Variants in ANKH observed in about 807,000 individuals in gnomAD.
ANKH encodes ANKH inorganic pyrophosphate transport regulator, also known as mineralization regulator ANKH.
Under a neutral mutation model 49.0 loss-of-function variants are expected in ANKH, and 15 were observed. The observed-to-expected ratio is 0.31, with a 90% CI of 0.20 to 0.47. The LOEUF (loss-of-function observed/expected upper bound fraction) is 0.47, where lower values mean the gene tolerates loss of function less well. Among genes scored for constraint, ANKH ranks in the 20% least tolerant of loss-of-function variants. The pLI is 1.00. For missense variants in ANKH, 429 were observed against 652.0 expected (o/e 0.66, Z 3.72); for synonymous variants, 273 against 260.0 (o/e 1.05, Z -0.48).
intron 1 of ANKH, among the ~76,000 whole-genome samples, chr5:14,847,554 C>G (rs1742000802): frequency 6.6e-6 from 1 of 152,198 alleles, no homozygotes; most frequent in Admixed American, 6.5e-5. Flanking sequence ...CTGGTCTGGG[C>G]AGGCCTGGTC....
At chr5:14,800,525 A>T (rs914455175) in intron 1 of ANKH, among the ~76,000 whole-genome samples, 13 of 152,102 alleles carry the variant, frequency 8.5e-5, no homozygotes, top group Admixed American at 7.2e-4. Flanking sequence ...AGGAACCACC[A>T]CCCTGATCAG....
chr5:14,867,711 C>T (rs530861579), intron 1 of ANKH, among the ~76,000 whole-genome samples: 3 of 152,172 alleles, frequency 2.0e-5, no homozygotes, highest in Non-Finnish European at 4.4e-5. Flanking sequence ...AGGCACCCGC[C>T]ACCGCGCCTG....
At chr5:14,791,185 C>T (rs1740153907) in intron 1 of ANKH, among the ~76,000 whole-genome samples, 1 of 152,150 alleles carries the variant, frequency 6.6e-6, no homozygotes, top group South Asian at 2.1e-4. Flanking sequence ...TGAGTTTCCC[C>T]CTACCAGCTG....
At chr5:14,719,790 G>T (rs758129185) in intron 8 of ANKH, among the ~76,000 whole-genome samples, 1 of 152,154 alleles carries the variant, frequency 6.6e-6, no homozygotes, top group Non-Finnish European at 1.5e-5. Context: ...GAAGAGGTGG[G>T]CTGGGGACAT....
At chr5:14,759,110 T>A (rs780003315) in intron 2 of ANKH, among the ~76,000 whole-genome samples, 1 of 152,228 alleles carries the variant, frequency 6.6e-6, no homozygotes, top group Non-Finnish European at 1.5e-5. Flanking sequence ...GATGTTAATA[T>A]GCCTTTCCAT....
chr5:14,761,399 T>C (rs1309386419), intron 2 of ANKH, among the ~76,000 whole-genome samples: 2 of 152,112 alleles, frequency 1.3e-5, no homozygotes, highest in Non-Finnish European at 1.5e-5. Flanking sequence ...ATGGGACATG[T>C]GAGTTTCAGC....
intron 1 of ANKH, among the ~76,000 whole-genome samples, chr5:14,823,547 G>C (rs113271779): frequency 6.6e-6 from 1 of 152,208 alleles, no homozygotes; most frequent in African/African-American, 2.4e-5. Flanking sequence ...GAAAAAGTGA[G>C]TATTTTCAAG....
chr5:14,844,331 T>G (rs1446932689), intron 1 of ANKH, among the ~76,000 whole-genome samples: 3 of 152,244 alleles, frequency 2.0e-5, no homozygotes, highest in African/African-American at 7.2e-5. Flanking sequence ...TCTCTGACCC[T>G]ACTTTTGGCC....
At chr5:14,743,742 A>T (rs532010058) in intron 7 of ANKH, among the ~76,000 whole-genome samples, 1 of 152,216 alleles carries the variant, frequency 6.6e-6, no homozygotes, top group Non-Finnish European at 1.5e-5. Flanking sequence ...GAATGCTTGG[A>T]AACAATGGGC....
intron 1 of ANKH, among the ~76,000 whole-genome samples, chr5:14,808,268 T>C (rs527991224): frequency 6.6e-6 from 1 of 152,286 alleles, no homozygotes; most frequent in South Asian, 2.1e-4. Context: ...TTTTACACTA[T>C]TGAATGTAGA....
intron 1 of ANKH, among the ~76,000 whole-genome samples, chr5:14,809,207 G>T (rs1388947002): frequency 1.1e-5 from 1 of 92,500 alleles, no homozygotes; most frequent in Non-Finnish European, 2.1e-5. Context: ...AGGGGGGAGG[G>T]ATAGCATTGG....
intron 1 of ANKH, among the ~76,000 whole-genome samples, chr5:14,825,752 C>T (rs1293381031): frequency 1.3e-5 from 2 of 152,206 alleles, no homozygotes; most frequent in African/African-American, 4.8e-5. Flanking sequence ...ACTGATCGTG[C>T]AGAATCTCTT....
At chr5:14,791,080 C>A (rs1214792959) in intron 1 of ANKH, among the ~76,000 whole-genome samples, 2 of 152,154 alleles carry the variant, frequency 1.3e-5, no homozygotes, top group Non-Finnish European at 2.9e-5. Context: ...ACCAATTTAC[C>A]CAAGGCCATT....
At position 14,745,720 on chromosome 5, in the gene ANKH, A is replaced by T; in HGVS notation, c.915+150T>A. 1 of 738,282 alleles carries T rather than the reference A, an allele frequency of 1.4e-6. No homozygotes were observed. Among genetic ancestry groups the T allele is most frequent in the East Asian group, 2.7e-5 (1 of 36,842 alleles). The allele number at this position is 738,282 out of a possible 1,614,324, so 45.7% of individuals were successfully genotyped here. ...ACTTGCCCCTGTTATTTTCTGAGGA[A>T]AATATTCCTTCAATGCCCCCAACGT... is the stretch of plus-strand genomic sequence containing the variant. On this transcript the variant is annotated intron_variant, in intron 7 of 11. Transcript: ENST00000284268. This position sits in a 1 kb window ranked among gnomAD's most constrained non-coding sequence, Gnocchi z 4.7.
At chr5:14,830,821 AG>A (rs1741484441) in intron 1 of ANKH, among the ~76,000 whole-genome samples, 1 of 151,936 alleles carries the variant, frequency 6.6e-6, no homozygotes, top group Admixed American at 6.6e-5. Flanking sequence ...CCCAACATCT[AG>A]TCTGGTTTTT....
chr5:14,805,782 A>G (rs1740694221), intron 1 of ANKH, among the ~76,000 whole-genome samples: 1 of 152,004 alleles, frequency 6.6e-6, no homozygotes. Flanking sequence ...CACTGCAGAG[A>G]CATTCACCTT....
intron 1 of ANKH, among the ~76,000 whole-genome samples, chr5:14,853,014 G>A (rs1299648917): frequency 1.3e-5 from 2 of 152,014 alleles, no homozygotes; most frequent in Non-Finnish European, 2.9e-5. Context: ...TCTCTCATCG[G>A]TGAGTTTTCA....
intron 1 of ANKH, among the ~76,000 whole-genome samples, chr5:14,805,466 C>CAT (rs1436589480): frequency 1.4e-5 from 1 of 69,352 alleles, no homozygotes; most frequent in African/African-American, 6.7e-5. Context: ...TATGTACACA[C>CAT]ACATATATGT....
At chr5:14,830,649 C>T (rs958338013) in intron 1 of ANKH, among the ~76,000 whole-genome samples, 3 of 152,112 alleles carry the variant, frequency 2.0e-5, no homozygotes, top group Non-Finnish European at 4.4e-5. Flanking sequence ...GCAAGTCCGA[C>T]TAAGATAGCA....
Sources: gnomAD v4.1 joint callset for allele counts (sites outside exome capture counted in the v4.1 genomes callset) on GRCh38, gnomAD v4.1.1 for gene constraint, Gnocchi (gnomAD v3.1) non-coding constraint, MANE v1.5 for transcripts, NCBI Gene and HGNC (gene_info 2026-07-23, HGNC 2026-07-21) for gene names.